CNTNAP2: variants seen among roughly 807,000 people sequenced by gnomAD.
The protein encoded by CNTNAP2 is contactin associated protein 2.
In CNTNAP2, 98 loss-of-function variants were observed where a neutral mutation model predicts 155.2. That is an observed-to-expected ratio of 0.63 (90% CI 0.54 to 0.75). The LOEUF (loss-of-function observed/expected upper bound fraction) is 0.75. CNTNAP2 is among the 30% of genes least tolerant of loss of function. The pLI, the probability that CNTNAP2 is intolerant of heterozygous loss-of-function variation, is 0.00. For missense variants in CNTNAP2, 1,727 were observed against 1,688.1 expected, an observed-to-expected ratio of 1.02 and a Z score of -0.40; for synonymous variants, 651 against 631.2, an observed-to-expected ratio of 1.03 and a Z score of -0.47.
chr7:147,575,073 G>T, intron 12 of CNTNAP2, among the ~76,000 whole-genome samples: 1 of 150,652 alleles, frequency 6.6e-6, no homozygotes, highest in Non-Finnish European at 1.5e-5. Context: ...TGTATTGCTA[G>T]TATTGATTCA....
At chr7:146,599,263 T>C (rs1798909819) in intron 1 of CNTNAP2, among the ~76,000 whole-genome samples, 1 of 152,048 alleles carries the variant, frequency 6.6e-6, no homozygotes, top group Admixed American at 6.6e-5. Context: ...AAAATAATCA[T>C]TCAATATTAG....
intron 9 of CNTNAP2, among the ~76,000 whole-genome samples, chr7:147,358,071 A>T (rs1363060108): frequency 6.6e-6 from 1 of 152,156 alleles, no homozygotes; most frequent in Non-Finnish European, 1.5e-5. Flanking sequence ...CTTTCTTATG[A>T]TATCATGCAT....
intron 15 of CNTNAP2, among the ~76,000 whole-genome samples, chr7:148,097,493 G>A (rs371344137): frequency 6.6e-6 from 1 of 151,580 alleles, no homozygotes; most frequent in African/African-American, 2.4e-5. Context: ...ACTCTTTTTT[G>A]GGGGGGCGGG....
intron 13 of CNTNAP2, among the ~76,000 whole-genome samples, chr7:147,880,801 G>A (rs1482440403): frequency 1.3e-5 from 2 of 151,538 alleles, no homozygotes; most frequent in African/African-American, 4.9e-5. Flanking sequence ...ATAATGAAAT[G>A]GAAGGAGGAG....
rs1315439901 is a variant in CNTNAP2, at chr7:146,947,847, A to T, written c.403-96060A>T. On this transcript the variant is annotated intron_variant, in intron 3 of 23. Transcript: ENST00000361727. ...CTTGAACCTATTACTTCGAGGCTAC[A>T]GCGAGCTATAATGGTGCCATTGCCC... 3.9e-5 allele frequency among the ~76,000 whole-genome samples: 6 copies of T among 151,938 alleles called. No individual in the cohort carries two copies. The South Asian group carries it at 8.3e-4, about 21-fold the overall frequency.
chr7:147,980,124 C>T (rs1801496869), intron 15 of CNTNAP2, among the ~76,000 whole-genome samples: 1 of 152,034 alleles, frequency 6.6e-6, no homozygotes, highest in African/African-American at 2.4e-5. Context: ...AAGTTCAAAC[C>T]ATGTTATGTG....
chr7:147,109,557 G>A (rs1039483685), intron 5 of CNTNAP2, among the ~76,000 whole-genome samples: 13 of 152,224 alleles, frequency 8.5e-5, no homozygotes, highest in African/African-American at 2.9e-4. Context: ...TATTGAGTAG[G>A]AGAAAATGAA....
chr7:147,193,987 T>C (rs1333985334), intron 8 of CNTNAP2, among the ~76,000 whole-genome samples: 1 of 151,606 alleles, frequency 6.6e-6, no homozygotes, highest in Non-Finnish European at 1.5e-5. Context: ...TGGGGGGAGA[T>C]ACATGTGCAG....
At chr7:146,659,168 G>T (rs1197753064) in intron 1 of CNTNAP2, among the ~76,000 whole-genome samples, 1 of 152,180 alleles carries the variant, frequency 6.6e-6, no homozygotes, top group Non-Finnish European at 1.5e-5. Flanking sequence ...TATTCTCAGT[G>T]ATTAAAGAAA....
At chr7:147,111,325 C>A (rs959880599) in intron 5 of CNTNAP2, among the ~76,000 whole-genome samples, 4 of 152,174 alleles carry the variant, frequency 2.6e-5, no homozygotes, top group African/African-American at 9.6e-5. Context: ...GTTGTCTGTT[C>A]ACTCTGATGA....
At chr7:146,667,288 C>A (rs1382308824) in intron 1 of CNTNAP2, among the ~76,000 whole-genome samples, 1 of 152,040 alleles carries the variant, frequency 6.6e-6, no homozygotes, top group Admixed American at 6.6e-5. Flanking sequence ...AATCAATTGG[C>A]TGTAGATACA....
In CNTNAP2 at chr7:147,747,146, G is replaced by T. The variant is rs115354770; in HGVS notation, c.2098+107840G>T. 7.1e-3 allele frequency among the ~76,000 whole-genome samples: 1,088 copies of T among 152,266 alleles called. 21 individuals carry two copies. Among genetic ancestry groups the T allele is most frequent in the African/African-American group, 0.025 (1,046 of 41,534 alleles). On this transcript the variant is annotated intron_variant, in intron 13 of 23. Transcript: ENST00000361727. ...AACTCACCGACCGCCTCTTATCTATGTCAGAAATACAAAGTCCTCCTCAGT... is the reference window on the plus strand; with the variant it reads ...AACTCACCGACCGCCTCTTATCTATTTCAGAAATACAAAGTCCTCCTCAGT...
chr7:146,213,327 T>C (rs73739556), intron 1 of CNTNAP2, among the ~76,000 whole-genome samples: 4,584 of 152,312 alleles, frequency 0.03, 233 homozygotes, highest in African/African-American at 0.11. Context: ...GCCTTGGCTA[T>C]TGATCAACCT....
chr7:148,307,558 A>G (rs1021125599), intron 21 of CNTNAP2, among the ~76,000 whole-genome samples: 4 of 152,202 alleles, frequency 2.6e-5, no homozygotes, highest in African/African-American at 9.7e-5. Flanking sequence ...CGTATATCTT[A>G]ACACTTCATT....
At chr7:146,422,359 G>GTATATATATATATATATATATA (rs971506491) in intron 1 of CNTNAP2, among the ~76,000 whole-genome samples, 98 of 148,134 alleles carry the variant, frequency 6.6e-4, no homozygotes, top group African/African-American at 2.2e-3. Context: ...GTATATATAT[G>GTATATATATATATATATATATA]TATATATATA....
chr7:147,526,687 A>AC (rs1209840825), intron 11 of CNTNAP2, among the ~76,000 whole-genome samples: 1 of 152,192 alleles, frequency 6.6e-6, no homozygotes, highest in African/African-American at 2.4e-5. Flanking sequence ...GTATGTGCTC[A>AC]CCAAATCAAT....
chr7:147,553,030 C>A (rs1318934899), intron 11 of CNTNAP2, among the ~76,000 whole-genome samples: 1 of 152,170 alleles, frequency 6.6e-6, no homozygotes, highest in Non-Finnish European at 1.5e-5. Context: ...AGTCAGCCAA[C>A]AATGACAATG....
intron 1 of CNTNAP2, among the ~76,000 whole-genome samples, chr7:146,700,073 A>G (rs1207944304): frequency 6.6e-6 from 1 of 152,208 alleles, no homozygotes; most frequent in African/African-American, 2.4e-5. Flanking sequence ...CTTTAACTGA[A>G]GAACTTGGTA....
intron 13 of CNTNAP2, among the ~76,000 whole-genome samples, chr7:147,765,779 AT>A (rs1423526113): frequency 6.6e-6 from 1 of 152,228 alleles, no homozygotes; most frequent in East Asian, 1.9e-4. Flanking sequence ...AACTTGCTTA[AT>A]TTGAAATATC....
Sources: gnomAD v4.1 joint callset for allele counts (sites outside exome capture counted in the v4.1 genomes callset) on GRCh38, gnomAD v4.1.1 for gene constraint, MANE v1.5 for transcripts, NCBI Gene and HGNC (gene_info 2026-07-23, HGNC 2026-07-21) for gene names.